MAN1C1: variants seen among roughly 807,000 people sequenced by gnomAD.
MAN1C1 encodes the protein mannosyl-oligosaccharide 1,2-alpha-mannosidase IC.
In MAN1C1, 49 loss-of-function variants were observed where a neutral mutation model predicts 71.5. The ratio of observed to expected loss-of-function variants is 0.69; its 90% CI spans 0.54 to 0.87. The LOEUF is 0.87. Among genes scored for constraint, MAN1C1 ranks in the 40% least tolerant of loss-of-function variants. The pLI is 0.00. For missense variants in MAN1C1, 743 were observed against 835.0 expected (o/e 0.89, Z 1.36); for synonymous variants, 352 against 343.7 (o/e 1.02, Z -0.27).
chr1:25,695,325 G>A (rs60689355), intron 2 of MAN1C1, among the ~76,000 whole-genome samples: 9 of 152,034 alleles, frequency 5.9e-5, no homozygotes, highest in Admixed American at 3.3e-4. Context: ...CCCTGAAAGC[G>A]CCATCCGGAG....
intron 2 of MAN1C1, among the ~76,000 whole-genome samples, chr1:25,731,342 A>G (rs1266547701): frequency 1.3e-5 from 2 of 149,792 alleles, no homozygotes; most frequent in Admixed American, 6.6e-5. Context: ...CATCGTCATC[A>G]TCATCATCAT....
chr1:25,771,520 C>T (rs1189600629), intron 7 of MAN1C1, 137 bp from the exon 8 acceptor site: 1 of 646,314 alleles, frequency 1.5e-6, no homozygotes, highest in South Asian at 1.8e-5. Flanking sequence ...ATTCCAGGTT[C>T]GGTGGCTGCT....
At chr1:25,774,453 G>C (rs760601) in intron 8 of MAN1C1, among the ~76,000 whole-genome samples, 87,641 of 151,988 alleles carry the variant, frequency 0.58, 26,289 homozygotes, top group Middle Eastern at 0.79. Context: ...TCTGACTCCA[G>C]ATCCATTGGG....
At chr1:25,642,203 T>C (rs2045547174) in intron 1 of MAN1C1, among the ~76,000 whole-genome samples, 1 of 152,192 alleles carries the variant, frequency 6.6e-6, no homozygotes, top group Admixed American at 6.5e-5. Context: ...TCTGCTATTC[T>C]CATTAGCTAA....
At chr1:25,740,110 A>T (rs2047040127) in intron 2 of MAN1C1, among the ~76,000 whole-genome samples, 1 of 152,184 alleles carries the variant, frequency 6.6e-6, no homozygotes. Flanking sequence ...CTGGGAAAGC[A>T]GATCCGTGCG....
rs1209936331 is a variant in MAN1C1 at position 25,617,727 on chromosome 1, C to G, written c.-71C>G. 2.1e-6 allele frequency: 3 copies of G among 1,451,226 alleles called. No homozygotes were observed. In the South Asian group the frequency reaches 3.9e-5, roughly 19 times the overall value. 89.9% of individuals were successfully genotyped at this position (1,451,226 alleles called of 1,614,324 possible). A position where few individuals can be genotyped will look rare whatever the true frequency, so the allele number is the denominator to read the frequency against. On this transcript the variant is annotated 5_prime_UTR_variant, in exon 1 of 12. Coordinates refer to ENST00000374332, the MANE Select transcript of MAN1C1 (RefSeq NM_020379.4). This position sits in a 1 kb window ranked among gnomAD's most constrained non-coding sequence, Gnocchi z 5.1. ...CATCCCGGGCGGCGCTCCGGACGCC[C>G]TCCCCTCACCGCGCCCCCGCAGACA...
At chr1:25,734,236 C>T (rs1410840749) in intron 2 of MAN1C1, among the ~76,000 whole-genome samples, 1 of 152,196 alleles carries the variant, frequency 6.6e-6, no homozygotes, top group Non-Finnish European at 1.5e-5. Context: ...TCAAGCGATT[C>T]TCATGCCACA....
chr1:25,683,351 G>A (rs72875608), intron 1 of MAN1C1, among the ~76,000 whole-genome samples: 8,684 of 152,230 alleles, frequency 0.057, 837 homozygotes, highest in African/African-American at 0.2. Context: ...CCTGTTATAT[G>A]TCTTGCCTGT....
At chr1:25,695,603 G>C (rs949177612) in intron 2 of MAN1C1, among the ~76,000 whole-genome samples, 1 of 152,152 alleles carries the variant, frequency 6.6e-6, no homozygotes, top group Non-Finnish European at 1.5e-5. Context: ...ACCGCCGACC[G>C]ACCACTCACC....
intron 2 of MAN1C1, among the ~76,000 whole-genome samples, chr1:25,713,718 G>C (rs1301384748): frequency 6.6e-6 from 1 of 152,202 alleles, no homozygotes; most frequent in Admixed American, 6.5e-5. Context: ...GTTCAGACTA[G>C]GGTACACAGA....
chr1:25,629,305 T>G (rs1352675544), intron 1 of MAN1C1, among the ~76,000 whole-genome samples: 1 of 152,212 alleles, frequency 6.6e-6, no homozygotes, highest in Non-Finnish European at 1.5e-5. Flanking sequence ...AGTAAGGTTG[T>G]GGTTTTAATT....
chr1:25,763,327 A>C (rs1288012145), intron 6 of MAN1C1, among the ~76,000 whole-genome samples: 1 of 151,968 alleles, frequency 6.6e-6, no homozygotes, highest in African/African-American at 2.4e-5. Flanking sequence ...TGTCTCTACT[A>C]AAAATACAAA....
Position 25,763,963 on chromosome 1 carries a change from G to GCAACGTGAGTACAGAGACGCCA in MAN1C1, c.1139_1141+19dup, listed in dbSNP as rs769368668. 15 of 1,612,884 alleles carry GCAACGTGAGTACAGAGACGCCA rather than the reference G, an allele frequency of 9.3e-6. No homozygotes were observed. The South Asian group carries it at 9.9e-5, about 11-fold the overall frequency. On this transcript the variant is annotated frameshift_variant, in exon 7 of 12. Transcript: ENST00000374332. LOFTEE classifies it high-confidence loss of function. ...TCAGCCCAGTGAGTGGGAACTGGGTGCAACGTGAGTACAGAGACGCCACTG... is the reference window on the plus strand; with the variant it reads ...TCAGCCCAGTGAGTGGGAACTGGGTGCAACGTGAGTACAGAGACGCCACAACGTGAGTACAGAGACGCCACTG...
At position 25,730,728 on chromosome 1, in the gene MAN1C1, G is replaced by C. The variant is rs2046897423; in HGVS notation, c.638-15940G>C. Among the ~76,000 whole-genome samples the C allele has an allele frequency of 6.6e-6, 1 of 152,206 alleles. No homozygotes were observed. Among genetic ancestry groups the C allele is most frequent in the Non-Finnish European group, 1.5e-5 (1 of 68,046 alleles). On this transcript the variant is annotated intron_variant, in intron 2 of 11. Coordinates refer to ENST00000374332, the MANE Select transcript of MAN1C1 (RefSeq NM_020379.4). This position sits in a 1 kb window ranked among gnomAD's most constrained non-coding sequence, Gnocchi z 4.3. ...GTCACGACTGGATGAGGCCTGGCTT[G>C]GCTGTGGGTGGGTGGACAGGGCAAG...
intron 2 of MAN1C1, among the ~76,000 whole-genome samples, chr1:25,706,724 AC>A (rs2046528835): frequency 6.6e-6 from 1 of 152,218 alleles, no homozygotes; most frequent in Non-Finnish European, 1.5e-5. Context: ...GAAGCGGGCC[AC>A]CTGTTTTGCA....
intron 2 of MAN1C1, among the ~76,000 whole-genome samples, chr1:25,723,031 A>T (rs774770923): frequency 2.6e-5 from 4 of 152,204 alleles, no homozygotes; most frequent in Non-Finnish European, 4.4e-5. Context: ...GTTTCATGAC[A>T]TATATACCTC....
In MAN1C1 at chr1:25,730,049, C is replaced by T. The variant is rs866153275; in HGVS notation, c.638-16619C>T. Among the ~76,000 whole-genome samples, 1 of 152,188 alleles carries T rather than the reference C, an allele frequency of 6.6e-6. No individual in the cohort carries two copies. The highest frequency in any genetic ancestry group is 2.4e-5 in the African/African-American group (1 of 41,438). ...GTCTTTCTGAGAAAGCAGCTGCAGC[C>T]TCCGTAAGGACAGAGGTCAGGCCTG... On this transcript the variant is annotated intron_variant, in intron 2 of 11. Coordinates refer to ENST00000374332, the MANE Select transcript of MAN1C1 (RefSeq NM_020379.4). The surrounding 1 kb of genome is among the most constrained non-coding windows in gnomAD (Gnocchi z 4.3).
chr1:25,719,168 G>A (rs2046725554), intron 2 of MAN1C1, among the ~76,000 whole-genome samples: 1 of 149,610 alleles, frequency 6.7e-6, no homozygotes, highest in Non-Finnish European at 1.5e-5. Context: ...CACCTCCTGG[G>A]TTCAAGTTAT....
intron 8 of MAN1C1, among the ~76,000 whole-genome samples, chr1:25,773,557 C>CGGTCA (rs2047581534): frequency 6.6e-6 from 1 of 152,202 alleles, no homozygotes; most frequent in Non-Finnish European, 1.5e-5. Flanking sequence ...ACCAGAGCCC[C>CGGTCA]GGTCAGAGAA....
Sources: allele counts gnomAD v4.1 joint callset (sites outside exome capture counted in the v4.1 genomes callset), GRCh38; gene constraint gnomAD v4.1.1; non-coding constraint Gnocchi (gnomAD v3.1); transcripts MANE v1.5; gene names NCBI Gene and HGNC (gene_info 2026-07-23, HGNC 2026-07-21).